The following ITGA8 variants were observed in gnomAD, a reference collection of about 807,000 sequenced individuals.
The protein encoded by ITGA8 is integrin alpha-8.
ITGA8 carries 91 observed loss-of-function variants against 142.3 expected under a neutral mutation model. That is an observed-to-expected ratio of 0.64 (90% CI 0.54 to 0.76). The LOEUF is 0.76. Ranked by LOEUF, ITGA8 falls within the 30% of genes least tolerant of loss-of-function variation. ITGA8 has a pLI of 0.00. For synonymous variants in ITGA8, 505 were observed against 485.2 expected (o/e 1.04, Z -0.54); for missense variants, 1,406 against 1,327.7 (o/e 1.06, Z -0.92).
intron 8 of ITGA8, among the ~76,000 whole-genome samples, chr10:15,670,669 A>G (rs770197772): frequency 1.3e-5 from 2 of 152,210 alleles, no homozygotes; most frequent in Non-Finnish European, 2.9e-5. Context: ...ATAGGCAGCC[A>G]GTGTGATTTG....
At chr10:15,707,955 C>A (rs1477502263) in intron 2 of ITGA8, among the ~76,000 whole-genome samples, 1 of 124,138 alleles carries the variant, frequency 8.1e-6, no homozygotes, top group Non-Finnish European at 1.7e-5. Flanking sequence ...TAAATGTGCA[C>A]ACACCGACAC....
At chr10:15,547,537 A>G (rs566875761) in intron 27 of ITGA8, among the ~76,000 whole-genome samples, 2 of 152,292 alleles carry the variant, frequency 1.3e-5, no homozygotes, top group East Asian at 1.9e-4. Flanking sequence ...GCACTACTGC[A>G]CTCCAGGCTG....
At chr10:15,635,066 G>A (rs1397360425) in intron 13 of ITGA8, among the ~76,000 whole-genome samples, 2 of 145,346 alleles carry the variant, frequency 1.4e-5, no homozygotes, top group East Asian at 2.0e-4. Context: ...GACTGCAGTG[G>A]TGCAATCTCG....
At chr10:15,582,579 G>C (rs1045043517) in intron 23 of ITGA8, among the ~76,000 whole-genome samples, 1 of 152,144 alleles carries the variant, frequency 6.6e-6, no homozygotes, top group African/African-American at 2.4e-5. Context: ...TCTACAACTC[G>C]ATAATAAGGA....
intron 15 of ITGA8, 32 bp downstream of exon 15, chr10:15,613,628 A>G (rs1170079349): frequency 5.1e-6 from 7 of 1,380,560 alleles, no homozygotes; most frequent in South Asian, 1.2e-5. Context: ...GTGAATTCAC[A>G]TTGGAGTTTG....
chr10:15,524,012 T>C (rs1461128740), intron 28 of ITGA8, among the ~76,000 whole-genome samples: 1 of 152,182 alleles, frequency 6.6e-6, no homozygotes, highest in Non-Finnish European at 1.5e-5. Flanking sequence ...ATGCATTTCC[T>C]CCATGTCATC....
intron 9 of ITGA8, among the ~76,000 whole-genome samples, chr10:15,659,586 A>T (rs984353500): frequency 9.2e-5 from 14 of 152,318 alleles, no homozygotes; most frequent in Middle Eastern, 6.8e-3. Context: ...TCCTAATTTC[A>T]TAATAATGGG....
intron 20 of ITGA8, among the ~76,000 whole-genome samples, chr10:15,598,639 G>A (rs1833047706): frequency 6.6e-6 from 1 of 152,134 alleles, no homozygotes; most frequent in African/African-American, 2.4e-5. Context: ...ACAGAGTAGA[G>A]GCAGCTGACA....
intron 2 of ITGA8, among the ~76,000 whole-genome samples, chr10:15,716,330 G>A (rs1835451151): frequency 6.6e-6 from 1 of 152,128 alleles, no homozygotes; most frequent in Admixed American, 6.5e-5. Flanking sequence ...TATATATTTG[G>A]AAGTAAAATA....
intron 2 of ITGA8, among the ~76,000 whole-genome samples, chr10:15,697,981 G>T (rs757203429): frequency 6.6e-6 from 1 of 152,136 alleles, no homozygotes; most frequent in Non-Finnish European, 1.5e-5. Context: ...CTTCAGTGGC[G>T]ATTTCTGAGA....
intron 13 of ITGA8, among the ~76,000 whole-genome samples, chr10:15,632,525 A>C (rs1833702098): frequency 6.6e-6 from 1 of 152,174 alleles, no homozygotes; most frequent in Admixed American, 6.5e-5. Context: ...GAAAATAGTA[A>C]TTCCCTCTTG....
In ITGA8 at chr10:15,517,188, C is replaced by T. The variant is rs1564332244; in HGVS notation, c.3162G>A (p.Gln1054=). 7 of 1,613,184 alleles carry T rather than the reference C, an allele frequency of 4.3e-6. No individual in the cohort carries two copies. Among genetic ancestry groups the T allele is most frequent in the Non-Finnish European group, 5.1e-6 (6 of 1,179,538 alleles). The change falls in exon 30 of 30, where the codon CAG becomes CAA. Residue 1054 remains glutamine, a synonymous_variant. Coordinates refer to ENST00000378076, the MANE Select transcript of ITGA8 (RefSeq NM_003638.3). ...PPQEDMTDRE[Q]LTNDKTPEA is the part of the protein sequence containing the mutation. ...CCTCAGGGGTCTTGTCATTTGTCAG[C>T]TGTTCCCTGTCGGTCATGTCCTCCT...
Position 15,533,752 on chromosome 10 carries a change from G to A in ITGA8, c.2881-2601C>T, listed in dbSNP as rs375175911. On this transcript the variant is annotated intron_variant, in intron 27 of 29. Coordinates refer to ENST00000378076, the MANE Select transcript of ITGA8 (RefSeq NM_003638.3). The stretch of plus-strand genomic sequence containing the variant: ...TTACAGATTCTGCATTTATAAATGC[G>A]AAAGTTTCCTAATGCATCATAGACA... Among the ~76,000 whole-genome samples, 84 of 152,274 alleles carry A rather than the reference G, an allele frequency of 5.5e-4. 1 individual carries two copies. Among genetic ancestry groups the A allele is most frequent in the African/African-American group, 1.5e-3 (63 of 41,566 alleles).
At chr10:15,525,610 A>C (rs1039600423) in intron 28 of ITGA8, among the ~76,000 whole-genome samples, 68 of 127,384 alleles carry the variant, frequency 5.3e-4, no homozygotes, top group Non-Finnish European at 7.6e-4. Flanking sequence ...GAGCCACTGC[A>C]CTCCAGCCTG....
At chr10:15,574,282 A>G (rs189055398) in intron 24 of ITGA8, among the ~76,000 whole-genome samples, 1 of 152,366 alleles carries the variant, frequency 6.6e-6, no homozygotes, top group Non-Finnish European at 1.5e-5. Flanking sequence ...CTAATCAGTG[A>G]ACTATTTAAA....
At chr10:15,520,848 C>G (rs1336433151) in intron 28 of ITGA8, among the ~76,000 whole-genome samples, 1 of 152,206 alleles carries the variant, frequency 6.6e-6, no homozygotes, top group African/African-American at 2.4e-5. Context: ...CACTCAAGAA[C>G]TCCAGGACAC....
intron 22 of ITGA8, among the ~76,000 whole-genome samples, chr10:15,587,318 A>T (rs1164199096): frequency 1.3e-5 from 2 of 152,204 alleles, no homozygotes; most frequent in Non-Finnish European, 2.9e-5. Flanking sequence ...ATCTCTGCGC[A>T]TATCATGTTC....
chr10:15,537,000 GT>G (rs1554770058), intron 27 of ITGA8, among the ~76,000 whole-genome samples: 1 of 152,082 alleles, frequency 6.6e-6, no homozygotes, highest in Non-Finnish European at 1.5e-5. Context: ...GCCTTTTGAG[GT>G]GACAAAACCT....
intron 8 of ITGA8, among the ~76,000 whole-genome samples, chr10:15,669,368 A>G (rs1393332733): frequency 6.6e-6 from 1 of 152,166 alleles, no homozygotes; most frequent in African/African-American, 2.4e-5. Flanking sequence ...TTTCAGCTCC[A>G]TCAGGTCCTT....
Sources: gnomAD v4.1 joint callset for allele counts (sites outside exome capture counted in the v4.1 genomes callset) on GRCh38, gnomAD v4.1.1 for gene constraint, MANE v1.5 for transcripts, NCBI Gene and HGNC (gene_info 2026-07-23, HGNC 2026-07-21) for gene names.